The following ITGB8 variants were observed in gnomAD, a reference collection of about 807,000 sequenced individuals.
ITGB8 encodes integrin subunit beta 8.
A neutral mutation model predicts 89.5 loss-of-function variants in ITGB8; 30 were observed. The observed-to-expected ratio is 0.34, with a 90% confidence interval of 0.25 to 0.45. The LOEUF (loss-of-function observed/expected upper bound fraction) is 0.45. Ranked by LOEUF, ITGB8 falls within the 20% of genes least tolerant of loss-of-function variation. The probability of loss-of-function intolerance (pLI) is 1.00; values close to 1 mark genes in which losing one functional copy is unlikely to be tolerated. For missense variants in ITGB8, 836 were observed against 933.3 expected (o/e 0.90, Z 1.36); for synonymous variants, 335 against 320.4 (o/e 1.05, Z -0.49).
At chr7:20,395,499 C>A (rs1787035681) in intron 8 of ITGB8, among the ~76,000 whole-genome samples, 1 of 152,160 alleles carries the variant, frequency 6.6e-6, no homozygotes, top group African/African-American at 2.4e-5. Flanking sequence ...AAAGAATCAC[C>A]TTAGTAGATA....
At position 20,379,098 on chromosome 7, in the gene ITGB8, C is replaced by T. The variant is rs781494418; in HGVS notation, c.436C>T (p.Pro146Ser). 6.2e-7 allele frequency: 1 copy of T among 1,601,900 alleles called. No individual in the cohort carries two copies. Among genetic ancestry groups the T allele is most frequent in the Admixed American group, 1.7e-5 (1 of 58,816 alleles). Residue 146 changes from proline to serine, a missense_variant, in exon 4 of 14, where the codon CCT (proline) becomes TCT (serine). Pro to Ser is a moderately conservative substitution (Grantham distance 74). Around this residue, in one of 5 missense-constraint regions of ITGB8, gnomAD observed 38 missense variants for 52.2 expected, o/e 0.73. Coordinates refer to ENST00000222573, the MANE Select transcript of ITGB8 (RefSeq NM_002214.3). ...MLKVHPLKKY[P>S]VDLYYLVDVS... ...GAAAGTTCATCCTCTGAAGAAATAT[C>T]CTGTGGATCTTTATTATCTTGTTGA...
At chr7:20,329,948 C>G (rs968071802), upstream of ITGB8, among the ~76,000 whole-genome samples, 28 of 152,264 alleles carry the variant, frequency 1.8e-4, no homozygotes, top group African/African-American at 6.7e-4. Flanking sequence ...CCTACTTGCA[C>G]CTAAATTTCT....
chr7:20,346,826 T>G, intron 1 of ITGB8: 1 of 985,406 alleles, frequency 1.0e-6, no homozygotes, highest in Non-Finnish European at 1.2e-6. Context: ...CATAGGACTT[T>G]AGGAGAAAAG....
In ITGB8 at chr7:20,404,817, A is replaced by G. The variant is rs1787467596; in HGVS notation, c.1877A>G (p.His626Arg). The G allele has an allele frequency of 6.2e-7, 1 of 1,614,058 alleles. No homozygotes were observed. The highest frequency in any genetic ancestry group is 8.5e-7 in the Non-Finnish European group (1 of 1,180,022). The change falls in exon 11 of 14, where the codon CAC (histidine) becomes CGC (arginine). Residue 626 changes from histidine (H) to arginine (R), a missense_variant. Physicochemically the swap from His to Arg is conservative, Grantham distance 29. Transcript: ENST00000222573. ...AGGAGCATCGGCCGCTTCTGTGAAC[A>G]CTGCCCCACCTGTTATACAGCCTGC... ...DPRSIGRFCEHCPTCYTACKE... is the reference protein window; with the variant it reads ...DPRSIGRFCERCPTCYTACKE...
At chr7:20,329,789 G>A (rs886358339), upstream of ITGB8, 4 of 152,092 alleles carry the variant, frequency 2.6e-5, no homozygotes, top group Non-Finnish European at 5.9e-5. Flanking sequence ...GCCCCTAGAG[G>A]GAAAAGAGAA....
intron 1 of ITGB8, among the ~76,000 whole-genome samples, chr7:20,353,692 G>C (rs1785185747): frequency 6.8e-6 from 1 of 147,290 alleles, no homozygotes; most frequent in Admixed American, 6.6e-5. Context: ...CCAGCACTTT[G>C]GGAGGCCGAG....
chr7:20,369,707 T>G (rs1364082173), intron 3 of ITGB8, among the ~76,000 whole-genome samples: 4 of 152,192 alleles, frequency 2.6e-5, no homozygotes, highest in Admixed American at 2.6e-4. Context: ...GAATTACACT[T>G]TAGGCAGGAA....
intron 6 of ITGB8, among the ~76,000 whole-genome samples, chr7:20,383,651 C>T (rs151244610): frequency 1.3e-5 from 2 of 152,202 alleles, no homozygotes; most frequent in Middle Eastern, 3.4e-3. Context: ...TATTGCTCAT[C>T]TAGGGAGGAT....
At chr7:20,380,914 T>A in intron 5 of ITGB8, 83 bp downstream of exon 5, 2 of 1,232,342 alleles carry the variant, frequency 1.6e-6, no homozygotes, top group Non-Finnish European at 2.3e-6. Context: ...CTTTGATTTG[T>A]GGAGTGAAAA....
At chr7:20,370,765 C>A (rs1485478350) in intron 3 of ITGB8, among the ~76,000 whole-genome samples, 1 of 152,096 alleles carries the variant, frequency 6.6e-6, no homozygotes, top group Non-Finnish European at 1.5e-5. Flanking sequence ...AGCCTGCCAC[C>A]ATGCCTGGCA....
At chr7:20,351,629 T>C (rs11765098) in intron 1 of ITGB8, among the ~76,000 whole-genome samples, 57,255 of 152,116 alleles carry the variant, frequency 0.38, 11,377 homozygotes, top group Non-Finnish European at 0.44. Flanking sequence ...AATTTTGAAA[T>C]GTGATTAAAG....
chr7:20,393,913 A>G (rs1486526685), intron 7 of ITGB8, among the ~76,000 whole-genome samples: 2 of 152,086 alleles, frequency 1.3e-5, no homozygotes, highest in African/African-American at 2.4e-5. Context: ...GCACATCTCT[A>G]TTGTTTCACG....
At position 20,394,908 on chromosome 7, in the gene ITGB8, C is replaced by T. The variant is rs1471555689; in HGVS notation, c.1069C>T (p.Leu357Phe). Residue 357 changes from leucine to phenylalanine, a missense_variant, in exon 8 of 14, where the codon CTC becomes TTC. By Grantham distance (22) the Leu-to-Phe change is conservative (BLOSUM62 0). Coordinates refer to ENST00000222573, the MANE Select transcript of ITGB8 (RefSeq NM_002214.3). ...QFHWYKDLLP[L>F]LPGTIAGEIE... ...ATATGTTTTATAGGATCTTCTACCC[C>T]TCTTGCCAGGCACCATTGCTGGTGA... 6.2e-7 allele frequency: 1 copy of T among 1,612,814 alleles called. No individual in the cohort carries two copies. The highest frequency in any genetic ancestry group is 8.5e-7 in the Non-Finnish European group (1 of 1,178,844).
At chr7:20,334,835 T>C (rs183063252) in intron 1 of ITGB8, among the ~76,000 whole-genome samples, 4 of 152,362 alleles carry the variant, frequency 2.6e-5, no homozygotes, top group African/African-American at 7.2e-5. Flanking sequence ...AAAATTCCTG[T>C]GCCCCAAAAT....
chr7:20,355,119 A>G (rs116286058), intron 1 of ITGB8, among the ~76,000 whole-genome samples: 3,684 of 152,286 alleles, frequency 0.024, 135 homozygotes, highest in African/African-American at 0.084. Context: ...AAGGAGCCAC[A>G]TTGCTTAGAG....
chr7:20,380,926 G>A (rs563702201), intron 5 of ITGB8, 95 bp downstream of exon 5: 4 of 1,083,876 alleles, frequency 3.7e-6, no homozygotes, highest in East Asian at 2.4e-5. Flanking sequence ...GAGTGAAAAC[G>A]TAGTGTAGAA....
chr7:20,394,857 C>A (rs995519039), intron 7 of ITGB8, 39 bp from the exon 8 acceptor site: 6 of 1,358,294 alleles, frequency 4.4e-6, no homozygotes, highest in Non-Finnish European at 6.3e-6. Flanking sequence ...CCATTACATA[C>A]TATTGTCATT....
chr7:20,357,350 T>C (rs1285630136), intron 1 of ITGB8, among the ~76,000 whole-genome samples: 1 of 152,196 alleles, frequency 6.6e-6, no homozygotes, highest in Non-Finnish European at 1.5e-5. Flanking sequence ...ATTAGCTGTA[T>C]TTTTAAAACT....
intron 3 of ITGB8, among the ~76,000 whole-genome samples, chr7:20,368,445 C>G (rs1195240588): frequency 6.6e-6 from 1 of 152,184 alleles, no homozygotes; most frequent in East Asian, 1.9e-4. Context: ...ACATGCCTCT[C>G]TCTTGCCTGT....
Sources: gnomAD v4.1 joint callset for allele counts (sites outside exome capture counted in the v4.1 genomes callset) on GRCh38, gnomAD v4.1.1 for gene constraint, gnomAD v4.1.1 regional missense constraint, MANE v1.5 for transcripts, NCBI Gene and HGNC (gene_info 2026-07-23, HGNC 2026-07-21) for gene names.